The following FREM1 variants were observed in gnomAD, a reference collection of about 807,000 sequenced individuals.
FREM1 encodes FRAS1 related extracellular matrix 1, also known as FRAS1-related extracellular matrix protein 1.
FREM1 carries 220 observed loss-of-function variants against 210.1 expected under a neutral mutation model. The observed-to-expected ratio is 1.05, with a 90% CI of 0.94 to 1.17. The LOEUF is 1.17. Ranked by LOEUF, FREM1 falls within the 50% of genes most tolerant of loss-of-function variation. The probability of loss-of-function intolerance (pLI) is 0.00; values close to 1 mark genes in which losing one functional copy is unlikely to be tolerated. For missense variants in FREM1, 3,454 were observed against 2,675.5 expected, an observed-to-expected ratio of 1.29 and a Z score of -6.42; for synonymous variants, 1,189 against 980.2, an observed-to-expected ratio of 1.21 and a Z score of -3.98.
chr9:14,778,212 A>G (rs1848954904), intron 24 of FREM1, among the ~76,000 whole-genome samples: 1 of 152,128 alleles, frequency 6.6e-6, no homozygotes, highest in Non-Finnish European at 1.5e-5. Flanking sequence ...CAAACCAATC[A>G]GTTTTCCTTT....
intron 21 of FREM1, among the ~76,000 whole-genome samples, chr9:14,794,242 G>C (rs1851936946): frequency 6.6e-6 from 1 of 152,126 alleles, no homozygotes; most frequent in Non-Finnish European, 1.5e-5. Context: ...AAGGGAAGGA[G>C]AAAAAGGCAA....
At chr9:14,879,635 T>C (rs559014248) in intron 1 of FREM1, among the ~76,000 whole-genome samples, 1 of 152,328 alleles carries the variant, frequency 6.6e-6, no homozygotes, top group African/African-American at 2.4e-5. Flanking sequence ...TGGAATGGAA[T>C]GTAACTTTTA....
chr9:14,860,894 C>CGTAT (rs1459143796), intron 3 of FREM1, among the ~76,000 whole-genome samples: 678 of 62,210 alleles, frequency 0.011, 75 homozygotes, highest in Non-Finnish European at 0.015. Flanking sequence ...CACATATATA[C>CGTAT]ATATATACAC....
chr9:14,748,787 C>T, intron 30 of FREM1, 148 bp from the exon 31 acceptor site: 1 of 601,988 alleles, frequency 1.7e-6, no homozygotes, highest in Non-Finnish European at 2.9e-6. Flanking sequence ...TTGCCAGAAA[C>T]TCCTTTACTC....
rs1413292536 is a variant in FREM1 at position 14,751,811 on chromosome 9, AAT to A, written c.5408-1537_5408-1536del. 3 of 152,182 alleles carry A rather than the reference AAT, an allele frequency of 2.0e-5. No individual in the cohort carries two copies. In the East Asian group the frequency reaches 5.8e-4, roughly 29 times the overall value. The allele number at this position is 152,182 out of a possible 1,614,324, so 9.4% of individuals were successfully genotyped here. ...GTCTCTTCAATCCTCAACAGAAGTCAATGGAAAGGTGAAGCTATCCACTTCTT... is the reference window on the plus strand; with the variant it reads ...GTCTCTTCAATCCTCAACAGAAGTCAGGAAAGGTGAAGCTATCCACTTCTT... On this transcript the variant is annotated intron_variant, in intron 29 of 36. Transcript: ENST00000380880.
chr9:14,796,477 T>C (rs1207847271), intron 21 of FREM1, among the ~76,000 whole-genome samples: 1 of 152,226 alleles, frequency 6.6e-6, no homozygotes, highest in Non-Finnish European at 1.5e-5. Flanking sequence ...ATAGAACTAA[T>C]GAATACTCTA....
At chr9:14,825,092 CT>C (rs1822087799) in intron 10 of FREM1, 100 bp from the exon 11 acceptor site, 3 of 785,648 alleles carry the variant, frequency 3.8e-6, no homozygotes, top group Non-Finnish European at 4.0e-6. Context: ...ATTTCTAAAA[CT>C]GTCATTTATA....
intron 16 of FREM1, among the ~76,000 whole-genome samples, chr9:14,809,920 G>C (rs1044141042): frequency 2.6e-5 from 4 of 151,804 alleles, no homozygotes; most frequent in African/African-American, 9.7e-5. Flanking sequence ...GTATTATGTA[G>C]AATCACATGA....
intron 15 of FREM1, among the ~76,000 whole-genome samples, chr9:14,813,417 G>A (rs1819750435): frequency 6.6e-6 from 1 of 152,126 alleles, no homozygotes; most frequent in Non-Finnish European, 1.5e-5. Flanking sequence ...TATTCCAGAA[G>A]AATTCTGGTC....
chr9:14,825,547 G>GTGTATATA, intron 10 of FREM1, among the ~76,000 whole-genome samples: 3 of 75,928 alleles, frequency 4.0e-5, no homozygotes, highest in East Asian at 3.1e-4. Context: ...GTGTGTGTGT[G>GTGTATATA]TATATATATA....
At chr9:14,883,980 G>A (rs576279032) in intron 1 of FREM1, among the ~76,000 whole-genome samples, 1 of 152,064 alleles carries the variant, frequency 6.6e-6, no homozygotes, top group Non-Finnish European at 1.5e-5. Context: ...ACAAATCCTG[G>A]CGCTTTGGGA....
chr9:14,882,512 G>C (rs1440057954), intron 1 of FREM1, among the ~76,000 whole-genome samples: 1 of 148,638 alleles, frequency 6.7e-6, no homozygotes, highest in Non-Finnish European at 1.5e-5. Context: ...CCAGGCTGCA[G>C]TGCAGTAGCA....
intron 28 of FREM1, among the ~76,000 whole-genome samples, chr9:14,757,107 A>AAAC (rs1227536756): frequency 6.6e-6 from 1 of 152,188 alleles, no homozygotes; most frequent in Non-Finnish European, 1.5e-5. Context: ...AGGTGTTTTA[A>AAAC]AACAACAACA....
chr9:14,747,799 CAAGT>C, intron 31 of FREM1, 71 bp from the exon 32 acceptor site: 3 of 830,424 alleles, frequency 3.6e-6, no homozygotes, highest in Non-Finnish European at 3.8e-6. Context: ...GTAAAACCAC[CAAGT>C]AAGATCTTGC....
intron 10 of FREM1, among the ~76,000 whole-genome samples, chr9:14,840,215 T>G (rs1025413572): frequency 1.3e-5 from 2 of 152,202 alleles, no homozygotes; most frequent in African/African-American, 4.8e-5. Context: ...GACCCTTGCT[T>G]TAAGCAGTCA....
Position 14,737,160 on chromosome 9 carries a change from A to G in FREM1, c.*236T>C. The G allele has an allele frequency of 2.4e-6, 1 of 416,086 alleles. No homozygotes were observed. Among genetic ancestry groups the G allele is most frequent in the Non-Finnish European group, 4.2e-6 (1 of 236,296 alleles). 25.8% of individuals were successfully genotyped at this position (416,086 alleles called of 1,614,324 possible). ...ATAAACAAACCTTACACTTTATAAT[A>G]CTGCTGGCATTTATTTTAAAAGGTA... On this transcript the variant is annotated 3_prime_UTR_variant, in exon 37 of 37. Transcript: ENST00000380880.
intron 24 of FREM1, 80 bp from the exon 25 acceptor site, chr9:14,776,283 C>T (rs1368626564): frequency 3.5e-6 from 5 of 1,415,258 alleles, no homozygotes; most frequent in Non-Finnish European, 2.8e-6. Flanking sequence ...ACAATACACA[C>T]CTTTACTAAA....
chr9:14,870,765 C>T (rs926174246), intron 1 of FREM1, among the ~76,000 whole-genome samples: 4 of 150,486 alleles, frequency 2.7e-5, no homozygotes, highest in African/African-American at 7.3e-5. Context: ...TAACTCGTCA[C>T]TTAGCATTAG....
intron 1 of FREM1, among the ~76,000 whole-genome samples, chr9:14,885,319 G>T (rs996835629): frequency 3.3e-5 from 5 of 151,900 alleles, no homozygotes; most frequent in Non-Finnish European, 5.9e-5. Flanking sequence ...TCTTCCCCAG[G>T]CTTGCAGTTA....
Sources: gnomAD v4.1 joint callset for allele counts (sites outside exome capture counted in the v4.1 genomes callset) on GRCh38, gnomAD v4.1.1 for gene constraint, MANE v1.5 for transcripts, NCBI Gene and HGNC (gene_info 2026-07-23, HGNC 2026-07-21) for gene names.